The following HIVEP3 variants were observed in gnomAD, a reference collection of about 807,000 sequenced individuals.
The protein encoded by HIVEP3 is HIVEP zinc finger 3, also known as transcription factor HIVEP3.
Under a neutral mutation model 152.8 loss-of-function variants are expected in HIVEP3, and 49 were observed. That is an observed-to-expected ratio of 0.32 (90% CI 0.26 to 0.41). The LOEUF is 0.41. Ranked by LOEUF, HIVEP3 falls within the 10% of genes least tolerant of loss-of-function variation. HIVEP3 has a pLI of 1.00. For synonymous variants in HIVEP3, 1,269 were observed against 1,289.0 expected (o/e 0.98, Z 0.33); for missense variants, 2,790 against 3,103.3 (o/e 0.90, Z 2.40).
intron 1 of HIVEP3, among the ~76,000 whole-genome samples, chr1:41,917,198 T>G (rs960585091): frequency 3.9e-4 from 59 of 152,238 alleles, no homozygotes; most frequent in African/African-American, 1.4e-3. Context: ...GGGGAGCTGT[T>G]TGGGCACACG....
intron 2 of HIVEP3, among the ~76,000 whole-genome samples, chr1:41,647,568 T>C (rs1353435948): frequency 6.6e-6 from 1 of 152,206 alleles, no homozygotes; most frequent in African/African-American, 2.4e-5. Context: ...TATGGGAGGT[T>C]CCAGTGGGTT....
intron 1 of HIVEP3, among the ~76,000 whole-genome samples, chr1:41,843,904 C>G (rs943366352): frequency 1.3e-5 from 2 of 151,830 alleles, no homozygotes; most frequent in Non-Finnish European, 2.9e-5. Flanking sequence ...TATCCCTCCC[C>G]CCTCCGTGTG....
chr1:41,668,829 C>T (rs1456499581), intron 2 of HIVEP3, among the ~76,000 whole-genome samples: 1 of 152,220 alleles, frequency 6.6e-6, no homozygotes, highest in Non-Finnish European at 1.5e-5. Context: ...ATATTTCTCA[C>T]ATTATAGTAA....
intron 1 of HIVEP3, among the ~76,000 whole-genome samples, chr1:41,737,838 T>C (rs1207820381): frequency 6.6e-6 from 1 of 152,172 alleles, no homozygotes; most frequent in Non-Finnish European, 1.5e-5. Flanking sequence ...GAGATTTTAA[T>C]GTGGAAACGG....
chr1:41,527,202 A>G, intron 5 of HIVEP3, among the ~76,000 whole-genome samples: 1 of 42,540 alleles, frequency 2.4e-5, no homozygotes. Context: ...TCCCACTCCC[A>G]CACATGCTCA....
At chr1:41,598,950 G>A (rs2149122545) in intron 3 of HIVEP3, among the ~76,000 whole-genome samples, 1 of 152,002 alleles carries the variant, frequency 6.6e-6, no homozygotes, top group East Asian at 1.9e-4. Context: ...CAAGCAGCTG[G>A]GACTACAGAC....
At chr1:41,610,144 T>A (rs1644877662) in intron 3 of HIVEP3, among the ~76,000 whole-genome samples, 1 of 152,142 alleles carries the variant, frequency 6.6e-6, no homozygotes, top group Non-Finnish European at 1.5e-5. Context: ...CATGAGCCAA[T>A]TCCTTAAAAT....
At chr1:42,035,408 G>GTGGTC (rs1645635772) in intron 1 of HIVEP3, among the ~76,000 whole-genome samples, 1 of 152,242 alleles carries the variant, frequency 6.6e-6, no homozygotes, top group Non-Finnish European at 1.5e-5. Flanking sequence ...TCTCTCAGAC[G>GTGGTC]TCAACAAACC....
At chr1:41,981,114 G>A (rs905953720) in intron 1 of HIVEP3, among the ~76,000 whole-genome samples, 22 of 152,156 alleles carry the variant, frequency 1.4e-4, no homozygotes, top group Admixed American at 1.4e-3. Context: ...GGCAAGCTGG[G>A]CCCAGAGGCA....
At position 41,511,576 on chromosome 1, in the gene HIVEP3, C is replaced by T. The variant is rs1490366178; in HGVS notation, c.6406-310G>A. Reference sequence around the variant, plus strand: ...CTTGAGCGACGTGGGGCCCTGTTGTCACCCATGAGCCTGGCCTCTATGTGG... The same window carrying T: ...CTTGAGCGACGTGGGGCCCTGTTGTTACCCATGAGCCTGGCCTCTATGTGG... On this transcript the variant is annotated intron_variant, in intron 8 of 8. Transcript: ENST00000372583. The surrounding 1 kb of genome is among the most constrained non-coding windows in gnomAD (Gnocchi z 4.9). Among the ~76,000 whole-genome samples, 1 of 152,188 alleles carries T rather than the reference C, an allele frequency of 6.6e-6. No individual in the cohort carries two copies. Among genetic ancestry groups the T allele is most frequent in the South Asian group, 2.1e-4 (1 of 4,828 alleles).
At chr1:41,710,177 C>T (rs954764899) in intron 1 of HIVEP3, among the ~76,000 whole-genome samples, 1 of 152,188 alleles carries the variant, frequency 6.6e-6, no homozygotes, top group African/African-American at 2.4e-5. Flanking sequence ...CCACATTTCT[C>T]ATCTGCACAC....
chr1:41,964,563 T>C (rs1055420280), intron 1 of HIVEP3, among the ~76,000 whole-genome samples: 3 of 152,188 alleles, frequency 2.0e-5, no homozygotes, highest in African/African-American at 7.2e-5. Context: ...ACTGTGGCTT[T>C]AGACTGCCAT....
At chr1:42,012,933 A>G (rs749620720) in intron 1 of HIVEP3, among the ~76,000 whole-genome samples, 2 of 152,228 alleles carry the variant, frequency 1.3e-5, no homozygotes, top group Non-Finnish European at 2.9e-5. Context: ...ATTAGATGTG[A>G]TGAAACACAT....
At chr1:41,888,346 C>A (rs1247263616) in intron 1 of HIVEP3, among the ~76,000 whole-genome samples, 1 of 151,788 alleles carries the variant, frequency 6.6e-6, no homozygotes, top group Non-Finnish European at 1.5e-5. Context: ...GCCACCACGC[C>A]CGGCCTAGCC....
chr1:41,856,658 G>C (rs1643775358), intron 1 of HIVEP3, among the ~76,000 whole-genome samples: 1 of 152,134 alleles, frequency 6.6e-6, no homozygotes, highest in Non-Finnish European at 1.5e-5. Context: ...GATGTCTTGA[G>C]GGAGGAAGGG....
Position 41,619,651 on chromosome 1 carries a change from T to C in HIVEP3, c.-522+9098A>G, listed in dbSNP as rs1570124461. Among the ~76,000 whole-genome samples the C allele has an allele frequency of 2.0e-5, 3 of 151,670 alleles. No homozygotes were observed. In the South Asian group the frequency reaches 6.3e-4, roughly 32 times the overall value. ...TGGGGTGTCACCTGACTGGTATGGG[T>C]GTTAGGAGTGGGGGAAGGGATGAGT... On this transcript the variant is annotated intron_variant, in intron 3 of 8. Transcript: ENST00000372583.
intron 2 of HIVEP3, among the ~76,000 whole-genome samples, chr1:41,647,810 T>C (rs537872664): frequency 6.6e-6 from 1 of 152,324 alleles, no homozygotes; most frequent in Non-Finnish European, 1.5e-5. Context: ...CACCAAACAC[T>C]GGGATCCGCA....
At chr1:41,688,386 T>C (rs1026739484) in intron 2 of HIVEP3, among the ~76,000 whole-genome samples, 6 of 152,226 alleles carry the variant, frequency 3.9e-5, no homozygotes, top group African/African-American at 1.2e-4. Context: ...ATGTATAAAA[T>C]GTAAGCAATC....
At chr1:41,976,851 T>A (rs1645262057) in intron 1 of HIVEP3, among the ~76,000 whole-genome samples, 2 of 152,098 alleles carry the variant, frequency 1.3e-5, no homozygotes, top group South Asian at 4.1e-4. Flanking sequence ...CCGCAGAAGC[T>A]GGGAGGGTGG....
Sources: gnomAD v4.1 joint callset for allele counts (sites outside exome capture counted in the v4.1 genomes callset) on GRCh38, gnomAD v4.1.1 for gene constraint, Gnocchi (gnomAD v3.1) non-coding constraint, MANE v1.5 for transcripts, NCBI Gene and HGNC (gene_info 2026-07-23, HGNC 2026-07-21) for gene names.